The following PCDH15 variants were observed in gnomAD, a reference collection of about 807,000 sequenced individuals.
PCDH15 encodes the protein protocadherin related 15.
A neutral mutation model predicts 178.5 loss-of-function variants in PCDH15; 129 were observed. The observed-to-expected ratio is 0.72, with a 90% CI of 0.63 to 0.84. PCDH15 has a LOEUF of 0.84. PCDH15 is among the 40% of genes least tolerant of loss of function. PCDH15 has a pLI of 0.00. For missense variants in PCDH15, 2,230 were observed against 2,099.9 expected, an observed-to-expected ratio of 1.06 and a Z score of -1.21; for synonymous variants, 800 against 732.0, an observed-to-expected ratio of 1.09 and a Z score of -1.50.
At chr10:53,834,375 C>A (rs1310110592) in intron 29 of PCDH15, among the ~76,000 whole-genome samples, 1 of 152,024 alleles carries the variant, frequency 6.6e-6, no homozygotes, top group African/African-American at 2.4e-5. Flanking sequence ...ATATATTCTC[C>A]CTCTGGGTCA....
At chr10:55,206,317 A>G (rs1443358659) in intron 1 of PCDH15, among the ~76,000 whole-genome samples, 1 of 152,140 alleles carries the variant, frequency 6.6e-6, no homozygotes, top group Non-Finnish European at 1.5e-5. Flanking sequence ...TTAAATGTCA[A>G]GTTGTGATCT....
rs1038167854 is a variant in PCDH15 at position 54,509,689 on chromosome 10, T to C, written c.157+18123A>G. ...CTTTGCTGTACACTTTCTTGGTTCC[T>C]CCGGTTTAACTTCTTCCTCTGCCTC... On this transcript the variant is annotated intron_variant, in intron 3 of 37. Transcript: ENST00000644397. 4.6e-5 allele frequency among the ~76,000 whole-genome samples: 7 copies of C among 152,158 alleles called. No homozygotes were observed. In the South Asian group the frequency reaches 1.2e-3, roughly 27 times the overall value.
At chr10:54,779,002 T>G (rs1440442510) in intron 1 of PCDH15, among the ~76,000 whole-genome samples, 3 of 152,082 alleles carry the variant, frequency 2.0e-5, no homozygotes, top group South Asian at 2.1e-4. Context: ...GCTGCTCGTG[T>G]GTGAAGGGAT....
intron 8 of PCDH15, among the ~76,000 whole-genome samples, chr10:54,295,834 CA>C (rs2059724205): frequency 6.6e-6 from 1 of 152,024 alleles, no homozygotes; most frequent in South Asian, 2.1e-4. Flanking sequence ...AATTATCGGG[CA>C]CCTGTCGGTC....
At chr10:53,840,639 T>C in intron 28 of PCDH15, 143 bp from the exon 29 acceptor site, 2 of 786,256 alleles carry the variant, frequency 2.5e-6, no homozygotes, top group South Asian at 1.6e-5. Context: ...TATAAACCCT[T>C]GAAAAACATT....
intron 3 of PCDH15, among the ~76,000 whole-genome samples, chr10:54,856,344 A>C (rs766747386): frequency 1.3e-5 from 2 of 152,174 alleles, no homozygotes; most frequent in African/African-American, 2.4e-5. Flanking sequence ...AAAAAGCACA[A>C]TATCACTTTC....
chr10:54,716,955 G>C (rs1031527172), intron 1 of PCDH15, among the ~76,000 whole-genome samples: 2 of 147,944 alleles, frequency 1.4e-5, no homozygotes, highest in African/African-American at 5.1e-5. Flanking sequence ...AAATAAGGCC[G>C]CATATCTACA....
intron 1 of PCDH15, among the ~76,000 whole-genome samples, chr10:55,176,628 A>G (rs1185208479): frequency 6.6e-6 from 1 of 152,168 alleles, no homozygotes; most frequent in Non-Finnish European, 1.5e-5. Context: ...TTGAGGGTAC[A>G]GAAACCCAAT....
chr10:54,232,926 T>TTTTTTTC (rs2054225699), intron 9 of PCDH15, among the ~76,000 whole-genome samples: 1 of 121,772 alleles, frequency 8.2e-6, no homozygotes, highest in African/African-American at 4.6e-5. Flanking sequence ...CTTTCTTTCT[T>TTTTTTTC]TTTTTTTTTT....
In PCDH15 at chr10:54,862,379, C is replaced by A. The variant is rs574667494; in HGVS notation, c.-29+35071G>T. On this transcript the variant is annotated intron_variant, in intron 3 of 5. Transcript: ENST00000458638. ...GTACAACAATATAAAACCTCATGTTCATTAAAATTATTTGTCAATATAGAG... is the reference window on the plus strand; with the variant it reads ...GTACAACAATATAAAACCTCATGTTAATTAAAATTATTTGTCAATATAGAG... Among the ~76,000 whole-genome samples the A allele has an allele frequency of 4.5e-4, 68 of 152,248 alleles. 2 individuals are homozygous for A. The South Asian group carries it at 0.014, about 31-fold the overall frequency.
At chr10:54,343,640 T>A (rs1298157372) in intron 6 of PCDH15, among the ~76,000 whole-genome samples, 2 of 129,852 alleles carry the variant, frequency 1.5e-5, no homozygotes, top group East Asian at 4.0e-4. Context: ...TCTTTGTAGA[T>A]TTGCGGGGGG....
At chr10:54,547,481 T>G (rs924577466) in intron 2 of PCDH15, among the ~76,000 whole-genome samples, 1 of 152,162 alleles carries the variant, frequency 6.6e-6, no homozygotes, top group Non-Finnish European at 1.5e-5. Context: ...TTATAAATCT[T>G]CTGTGTGCAC....
chr10:55,436,657 T>C (rs749732401), intron 2 of PCDH15, among the ~76,000 whole-genome samples: 6 of 152,084 alleles, frequency 3.9e-5, no homozygotes, highest in African/African-American at 1.4e-4. Flanking sequence ...GAGTTATAAG[T>C]TTATACAAGA....
intron 5 of PCDH15, among the ~76,000 whole-genome samples, chr10:54,359,449 A>C (rs1945637138): frequency 6.6e-6 from 1 of 151,994 alleles, no homozygotes; most frequent in Non-Finnish European, 1.5e-5. Flanking sequence ...ACTTAGGTCT[A>C]AATTGTTCTC....
intron 2 of PCDH15, among the ~76,000 whole-genome samples, chr10:55,381,534 G>C (rs7900947): frequency 0.012 from 1,820 of 152,186 alleles, 45 homozygotes; most frequent in African/African-American, 0.042. Context: ...GAGAGAGGAG[G>C]AATTTAAGTC....
chr10:54,457,696 A>T (rs1589512314), intron 3 of PCDH15, among the ~76,000 whole-genome samples: 4 of 151,930 alleles, frequency 2.6e-5, no homozygotes, highest in Middle Eastern at 6.8e-3. Flanking sequence ...AATATTTTTT[A>T]AAATACTTAA....
intron 10 of PCDH15, among the ~76,000 whole-genome samples, chr10:54,209,224 C>T (rs906988484): frequency 6.6e-6 from 1 of 151,968 alleles, no homozygotes; most frequent in Non-Finnish European, 1.5e-5. Context: ...AGGTAGGGGG[C>T]AAATTGTAAA....
chr10:55,061,528 G>C (rs1003055644), intron 2 of PCDH15, among the ~76,000 whole-genome samples: 1 of 152,138 alleles, frequency 6.6e-6, no homozygotes, highest in African/African-American at 2.4e-5. Context: ...TTCACCGTAT[G>C]ATCTAGCAAT....
chr10:55,576,111 AC>A (rs1842492903), intron 2 of PCDH15, among the ~76,000 whole-genome samples: 1 of 152,132 alleles, frequency 6.6e-6, no homozygotes, highest in African/African-American at 2.4e-5. Flanking sequence ...TTTGCATATA[AC>A]TTTTGACTCC....
Sources: allele counts gnomAD v4.1 joint callset (sites outside exome capture counted in the v4.1 genomes callset), GRCh38; gene constraint gnomAD v4.1.1; transcripts MANE v1.5; gene names NCBI Gene and HGNC (gene_info 2026-07-23, HGNC 2026-07-21).